The following ITPR2 variants were observed in gnomAD, a reference collection of about 807,000 sequenced individuals.
ITPR2 encodes the protein inositol 1,4,5-trisphosphate receptor type 2.
ITPR2 carries 207 observed loss-of-function variants against 317.1 expected under a neutral mutation model. The observed-to-expected ratio is 0.65, with a 90% CI of 0.58 to 0.73. ITPR2 has a LOEUF of 0.73. Ranked by LOEUF, ITPR2 falls within the 30% of genes least tolerant of loss-of-function variation. The probability of loss-of-function intolerance (pLI) is 0.00; values close to 1 mark genes in which losing one functional copy is unlikely to be tolerated. For missense variants in ITPR2, 2,613 were observed against 3,284.0 expected, an observed-to-expected ratio of 0.80 and a Z score of 4.99; for synonymous variants, 1,156 against 1,149.1, an observed-to-expected ratio of 1.01 and a Z score of -0.12.
rs764225279 is a variant in ITPR2, at chr12:26,494,230, T to C, written c.5293A>G (p.Thr1765Ala). The C allele has an allele frequency of 1.2e-6, 2 of 1,613,580 alleles. No individual in the cohort carries two copies. Among genetic ancestry groups the C allele is most frequent in the African/African-American group, 2.7e-5 (2 of 74,886 alleles). Residue 1765 changes from threonine to alanine, a missense_variant, in exon 39 of 57, where the codon ACC (threonine) becomes GCC (alanine). By Grantham distance (58) the Thr-to-Ala change is moderately conservative (BLOSUM62 0). Around this residue, in one of 9 missense-constraint regions of ITPR2, gnomAD observed 926 missense variants for 1,072.8 expected, o/e 0.86. Transcript: ENST00000381340. The stretch of plus-strand genomic sequence containing the variant: ...TCTGAAAAAATTCTGTCATTTTTGG[T>C]GTTCACTATAACATCGATGACAAGT... ...SELVIDVIVN[T>A]KNDRIFSEGI...
chr12:26,768,572 A>T (rs867414790), intron 2 of ITPR2, among the ~76,000 whole-genome samples: 35 of 9,036 alleles, frequency 3.9e-3, no homozygotes, highest in Non-Finnish European at 8.2e-3. Context: ...AAATATATAT[A>T]AAAAAAAAAA....
At chr12:26,637,738 T>C (rs978389914) in intron 21 of ITPR2, among the ~76,000 whole-genome samples, 15 of 152,218 alleles carry the variant, frequency 9.9e-5, no homozygotes, top group African/African-American at 3.6e-4. Flanking sequence ...GGTCACCACC[T>C]TACTAATGAA....
chr12:26,759,859 T>C (rs760376409), intron 2 of ITPR2, among the ~76,000 whole-genome samples: 2 of 152,182 alleles, frequency 1.3e-5, no homozygotes, highest in Non-Finnish European at 2.9e-5. Context: ...ATGATTTCAC[T>C]GGAGTAACAA....
intron 2 of ITPR2, among the ~76,000 whole-genome samples, chr12:26,762,872 G>A (rs899638866): frequency 1.7e-4 from 26 of 152,070 alleles, no homozygotes; most frequent in African/African-American, 5.3e-4. Flanking sequence ...AATTAGAAGC[G>A]ATGTAGAACT....
intron 26 of ITPR2, among the ~76,000 whole-genome samples, chr12:26,614,385 G>A (rs1946332062): frequency 6.6e-6 from 1 of 152,090 alleles, no homozygotes; most frequent in South Asian, 2.1e-4. Context: ...TAGGATGGGA[G>A]TAATGTGGTC....
Position 26,520,548 on chromosome 12 carries a change from AG to A in ITPR2, c.5074-25289del, listed in dbSNP as rs1447115736. ...TCCTGGTCTTTGCCAGTGGTCCCCA[AG>A]GTCTGAGTTCCAGCCACATGGGACC... On this transcript the variant is annotated intron_variant, in intron 37 of 56. Coordinates refer to ENST00000381340, the MANE Select transcript of ITPR2 (RefSeq NM_002223.4). 2.0e-5 allele frequency among the ~76,000 whole-genome samples: 3 copies of A among 152,270 alleles called. No individual in the cohort carries two copies. The East Asian group carries it at 5.8e-4, about 29-fold the overall frequency.
chr12:26,725,932 T>C (rs753643774), intron 2 of ITPR2, 167 bp from the exon 3 acceptor site: 3 of 509,716 alleles, frequency 5.9e-6, no homozygotes, highest in African/African-American at 3.9e-5. Flanking sequence ...TAACATCCTT[T>C]TCAAATAATT....
intron 37 of ITPR2, among the ~76,000 whole-genome samples, chr12:26,517,971 A>G (rs1471109706): frequency 1.3e-5 from 2 of 152,266 alleles, no homozygotes; most frequent in African/African-American, 4.8e-5. Context: ...GAGATTTCTC[A>G]GAGAACTTAA....
intron 35 of ITPR2, among the ~76,000 whole-genome samples, chr12:26,556,596 T>TGTG (rs1565601631): frequency 6.5e-4 from 76 of 116,640 alleles, no homozygotes; most frequent in Middle Eastern, 4.2e-3. Context: ...GTGTGTGTGT[T>TGTG]TTTGTTTATA....
intron 52 of ITPR2, among the ~76,000 whole-genome samples, chr12:26,401,465 T>C (rs1480459313): frequency 6.6e-6 from 1 of 152,126 alleles, no homozygotes; most frequent in African/African-American, 2.4e-5. Context: ...GACAGAAAAA[T>C]TCCTATTCTT....
At chr12:26,350,278 C>T (rs1938439068) in intron 55 of ITPR2, among the ~76,000 whole-genome samples, 1 of 152,180 alleles carries the variant, frequency 6.6e-6, no homozygotes, top group African/African-American at 2.4e-5. Flanking sequence ...ACACTGGGCT[C>T]TGGAGTTTCA....
At chr12:26,795,571 G>C (rs1480362725) in intron 1 of ITPR2, among the ~76,000 whole-genome samples, 1 of 151,964 alleles carries the variant, frequency 6.6e-6, no homozygotes, top group African/African-American at 2.4e-5. Context: ...AAACGTAAAA[G>C]ACCGATAAGT....
chr12:26,753,314 A>G (rs570642131), intron 2 of ITPR2, among the ~76,000 whole-genome samples: 17 of 152,278 alleles, frequency 1.1e-4, no homozygotes, highest in African/African-American at 3.6e-4. Context: ...TGGGATGTTA[A>G]CTGCTATTCT....
At chr12:26,502,223 AG>A (rs1943087636) in intron 37 of ITPR2, among the ~76,000 whole-genome samples, 2 of 152,330 alleles carry the variant, frequency 1.3e-5, no homozygotes, top group Admixed American at 1.3e-4. Flanking sequence ...TTTTAAATAC[AG>A]GGTTTGCTGA....
In ITPR2 at chr12:26,654,037, T is replaced by A. The variant is rs769188609; in HGVS notation, c.2679A>T (p.Leu893Phe). 1 of 1,572,074 alleles carries A rather than the reference T, an allele frequency of 6.4e-7. No individual in the cohort carries two copies. Among genetic ancestry groups the A allele is most frequent in the Admixed American group, 1.8e-5 (1 of 56,968 alleles). Residue 893 changes from leucine (L) to phenylalanine (F), a missense_variant, in exon 21 of 57, where the codon TTA becomes TTT. Coordinates refer to ENST00000381340, the MANE Select transcript of ITPR2 (RefSeq NM_002223.4). ...LRLTRTLLAILDIVQAPMSSY... is the reference protein window; with the variant it reads ...LRLTRTLLAIFDIVQAPMSSY... The stretch of plus-strand genomic sequence containing the variant: ...ATGACATGGGGGCCTGTACAATGTC[T>A]AAAATAGCCAGAAGTGTTCTTGTTA...
intron 32 of ITPR2, among the ~76,000 whole-genome samples, chr12:26,593,153 T>A (rs546519204): frequency 3.9e-5 from 6 of 152,326 alleles, no homozygotes; most frequent in Non-Finnish European, 7.4e-5. Context: ...GCTACCATGC[T>A]CTGTCTACTA....
chr12:26,557,899 T>C (rs1020212391), intron 35 of ITPR2, among the ~76,000 whole-genome samples: 2 of 152,226 alleles, frequency 1.3e-5, no homozygotes, highest in African/African-American at 4.8e-5. Context: ...AACAATTTAT[T>C]CACCCATAGC....
intron 2 of ITPR2, among the ~76,000 whole-genome samples, chr12:26,735,982 T>C (rs1330169649): frequency 6.6e-6 from 1 of 152,228 alleles, no homozygotes; most frequent in Non-Finnish European, 1.5e-5. Flanking sequence ...GTGCTTCCTA[T>C]TAGATAACAT....
chr12:26,827,025 T>C (rs1028589507), intron 1 of ITPR2, among the ~76,000 whole-genome samples: 2 of 152,180 alleles, frequency 1.3e-5, no homozygotes, highest in Admixed American at 6.5e-5. Context: ...CAATCAACAC[T>C]ACATTTGAAA....
Sources: gnomAD v4.1 joint callset for allele counts (sites outside exome capture counted in the v4.1 genomes callset) on GRCh38, gnomAD v4.1.1 for gene constraint, gnomAD v4.1.1 regional missense constraint, MANE v1.5 for transcripts, NCBI Gene and HGNC (gene_info 2026-07-23, HGNC 2026-07-21) for gene names.